Variants in CAMK4 observed in about 807,000 individuals in gnomAD.
CAMK4 encodes calcium/calmodulin dependent protein kinase IV.
A neutral mutation model predicts 44.9 loss-of-function variants in CAMK4; 22 were observed. That is an observed-to-expected ratio of 0.49 (90% CI 0.35 to 0.70). CAMK4 has a LOEUF of 0.70. Among genes scored for constraint, CAMK4 ranks in the 30% least tolerant of loss-of-function variants. The pLI, the probability that CAMK4 is intolerant of heterozygous loss-of-function variation, is 0.01. For missense variants in CAMK4, 498 were observed against 586.8 expected (o/e 0.85, Z 1.56); for synonymous variants, 218 against 215.4 (o/e 1.01, Z -0.11).
intron 9 of CAMK4, 114 bp downstream of exon 9, chr5:111,478,621 A>G (rs1000031602): frequency 6.5e-6 from 3 of 464,710 alleles, no homozygotes; most frequent in African/African-American, 4.0e-5. Flanking sequence ...TTTTCTTTCA[A>G]TTTTAAAGTA....
Position 111,484,390 on chromosome 5 carries a change from C to A in CAMK4, c.1346C>A (p.Ala449Asp). The A allele has an allele frequency of 6.3e-7, 1 of 1,586,218 alleles. No homozygotes were observed. Among genetic ancestry groups the A allele is most frequent in the Non-Finnish European group, 8.6e-7 (1 of 1,167,712 alleles). ...CTGAAGACTGTGGAGGAGGCAGCAG[C>A]TCCCAGAGAAGGGCAAGGAAGCTCT... Reference protein sequence around the residue: ...EKLKTVEEAAAPREGQGSSAV... With the variant: ...EKLKTVEEAADPREGQGSSAV... The change falls in exon 11 of 11, where the codon GCT (alanine) becomes GAT (aspartate). Residue 449 changes from alanine (A) to aspartate (D), a missense_variant. Physicochemically the swap from Ala to Asp is moderately radical, Grantham distance 126 (BLOSUM62 -2). Around this residue, in one of 3 missense-constraint regions of CAMK4, gnomAD observed 143 missense variants for 144.9 expected, o/e 0.99. Coordinates refer to ENST00000282356, the MANE Select transcript of CAMK4 (RefSeq NM_001744.6). This position sits in a 1 kb window ranked among gnomAD's most constrained non-coding sequence, Gnocchi z 5.3.
At chr5:111,243,958 G>C (rs1378920095) in intron 1 of CAMK4, among the ~76,000 whole-genome samples, 1 of 152,080 alleles carries the variant, frequency 6.6e-6, no homozygotes, top group Non-Finnish European at 1.5e-5. Flanking sequence ...TGTTTTGTTT[G>C]TTTGTTTTTG....
At chr5:111,407,684 T>C (rs1752486395) in intron 5 of CAMK4, among the ~76,000 whole-genome samples, 1 of 152,214 alleles carries the variant, frequency 6.6e-6, no homozygotes, top group Non-Finnish European at 1.5e-5. Context: ...CTTATGATAT[T>C]CAATGCTCTG....
chr5:111,270,472 G>T (rs905247930), intron 1 of CAMK4, among the ~76,000 whole-genome samples: 1 of 152,118 alleles, frequency 6.6e-6, no homozygotes, highest in Non-Finnish European at 1.5e-5. Flanking sequence ...TTACACAATA[G>T]CTACACACCT....
intron 7 of CAMK4, among the ~76,000 whole-genome samples, chr5:111,458,221 A>G (rs967764381): frequency 3.9e-5 from 6 of 152,210 alleles, no homozygotes; most frequent in Non-Finnish European, 7.4e-5. Flanking sequence ...GTGCCAGGTA[A>G]AGGAAAAGTA....
intron 1 of CAMK4, among the ~76,000 whole-genome samples, chr5:111,323,628 A>G (rs1748753045): frequency 6.6e-6 from 1 of 152,100 alleles, no homozygotes; most frequent in Non-Finnish European, 1.5e-5. Context: ...AAAATAAAAT[A>G]AAACCTGTCT....
intron 5 of CAMK4, among the ~76,000 whole-genome samples, chr5:111,443,243 CATATATATAT>C (rs1232548245): frequency 0.013 from 950 of 72,164 alleles, 24 homozygotes; most frequent in African/African-American, 0.042. Flanking sequence ...CTCCCCCTAC[CATATATATAT>C]ATATATATAT....
intron 1 of CAMK4, among the ~76,000 whole-genome samples, chr5:111,299,894 G>C (rs1367088010): frequency 5.3e-5 from 8 of 152,044 alleles, no homozygotes; most frequent in Non-Finnish European, 1.2e-4. Flanking sequence ...TTTCTTTGTG[G>C]TTGCCAAGTT....
rs1392419087 is a variant in CAMK4 at position 111,327,457 on chromosome 5, T to C, written c.162-16567T>C. ...AAGTCTTTGCTATTGTGAATAGTGC[T>C]ACAATAAACATATGTGTGCATGTGT... is the stretch of plus-strand genomic sequence containing the variant. On this transcript the variant is annotated intron_variant, in intron 1 of 10. Coordinates refer to ENST00000282356, the MANE Select transcript of CAMK4 (RefSeq NM_001744.6). Among the ~76,000 whole-genome samples, 6 of 151,904 alleles carry C rather than the reference T, an allele frequency of 3.9e-5. No individual in the cohort carries two copies. In the East Asian group the frequency reaches 5.8e-4, roughly 15 times the overall value.
chr5:111,362,925 T>C (rs926933026), intron 2 of CAMK4, among the ~76,000 whole-genome samples: 5 of 152,154 alleles, frequency 3.3e-5, no homozygotes, highest in Non-Finnish European at 7.4e-5. Context: ...ATTATCATTT[T>C]CTAATCTCTA....
At chr5:111,309,893 A>G (rs1748125564) in intron 1 of CAMK4, among the ~76,000 whole-genome samples, 1 of 152,182 alleles carries the variant, frequency 6.6e-6, no homozygotes, top group African/African-American at 2.4e-5. Flanking sequence ...GATAAGGGAC[A>G]TAGGCTAGGC....
At chr5:111,372,926 G>T (rs1347936469) in intron 2 of CAMK4, among the ~76,000 whole-genome samples, 1 of 151,996 alleles carries the variant, frequency 6.6e-6, no homozygotes, top group African/African-American at 2.4e-5. Flanking sequence ...TTATATAATG[G>T]CCTCATATTA....
chr5:111,453,441 T>C (rs1754303251), intron 7 of CAMK4, among the ~76,000 whole-genome samples: 1 of 152,206 alleles, frequency 6.6e-6, no homozygotes, highest in Admixed American at 6.5e-5. Context: ...TCACCACAGA[T>C]AGATACTCTC....
At chr5:111,337,948 G>A (rs1417893524) in intron 1 of CAMK4, among the ~76,000 whole-genome samples, 1 of 151,110 alleles carries the variant, frequency 6.6e-6, no homozygotes, top group Non-Finnish European at 1.5e-5. Context: ...GGTATGAAAA[G>A]GATAATCCAA....
At chr5:111,391,848 A>T (rs1751813009) in intron 4 of CAMK4, among the ~76,000 whole-genome samples, 1 of 152,204 alleles carries the variant, frequency 6.6e-6, no homozygotes, top group South Asian at 2.1e-4. Context: ...TTCTTTGCCC[A>T]CATTCATGCA....
intron 4 of CAMK4, among the ~76,000 whole-genome samples, chr5:111,392,224 G>A (rs765777299): frequency 6.6e-6 from 1 of 152,134 alleles, no homozygotes; most frequent in Admixed American, 6.6e-5. Context: ...GGCTGCAGAG[G>A]TCTCAAGAAA....
intron 1 of CAMK4, among the ~76,000 whole-genome samples, chr5:111,318,311 CT>C (rs1316189452): frequency 6.6e-6 from 1 of 151,972 alleles, no homozygotes; most frequent in Non-Finnish European, 1.5e-5. Context: ...TGTAGTACCC[CT>C]GTGCCTGTCC....
rs185500623 is a variant in CAMK4, at chr5:111,363,528, A to G, written c.241-11322A>G. On this transcript the variant is annotated intron_variant, in intron 2 of 10. Transcript: ENST00000282356. ...GGAAGAAATAGATGATGAATTAGTA[A>G]CTAAATGATAACATAGCTTTTTGTG... Among the ~76,000 whole-genome samples the G allele has an allele frequency of 1.5e-3, 228 of 152,232 alleles. 4 individuals are homozygous for G. Among genetic ancestry groups the G allele is most frequent in the African/African-American group, 5.3e-3 (221 of 41,554 alleles).
At chr5:111,422,949 A>G (rs751027041) in intron 5 of CAMK4, among the ~76,000 whole-genome samples, 1 of 152,082 alleles carries the variant, frequency 6.6e-6, no homozygotes, top group African/African-American at 2.4e-5. Context: ...ATTCATCTCT[A>G]TCTGTCATTC....
Sources: allele counts gnomAD v4.1 joint callset (sites outside exome capture counted in the v4.1 genomes callset), GRCh38; gene constraint gnomAD v4.1.1; regional missense constraint gnomAD v4.1.1; non-coding constraint Gnocchi (gnomAD v3.1); transcripts MANE v1.5; gene names NCBI Gene and HGNC (gene_info 2026-07-23, HGNC 2026-07-21).